The following CAPRIN1 variants were observed in gnomAD, a reference collection of about 807,000 sequenced individuals.
The protein encoded by CAPRIN1 is caprin-1.
CAPRIN1 carries 29 observed loss-of-function variants against 100.9 expected under a neutral mutation model. That is an observed-to-expected ratio of 0.29 (90% CI 0.21 to 0.39). The LOEUF (loss-of-function observed/expected upper bound fraction) is 0.39. CAPRIN1 is among the 10% of genes least tolerant of loss of function. The pLI, the probability that CAPRIN1 is intolerant of heterozygous loss-of-function variation, is 1.00. For synonymous variants in CAPRIN1, 338 were observed against 307.5 expected (o/e 1.10, Z -1.04); for missense variants, 795 against 876.7 (o/e 0.91, Z 1.18).
At chr11:34,058,322 A>G (rs1346398447) in intron 2 of CAPRIN1, among the ~76,000 whole-genome samples, 1 of 152,074 alleles carries the variant, frequency 6.6e-6, no homozygotes, top group African/African-American at 2.4e-5. Context: ...TTTTTAGTAG[A>G]GACGGGGTTT....
chr11:34,061,200 CTTTTTTTT>C (rs770158492), intron 2 of CAPRIN1, among the ~76,000 whole-genome samples: 1 of 102,828 alleles, frequency 9.7e-6, no homozygotes, highest in Non-Finnish European at 2.0e-5. Flanking sequence ...AGGTAACATC[CTTTTTTTT>C]TTTTTTTTTT....
intron 2 of CAPRIN1, among the ~76,000 whole-genome samples, chr11:34,058,493 G>A (rs963433569): frequency 3.9e-5 from 6 of 152,224 alleles, no homozygotes; most frequent in Admixed American, 3.3e-4. Flanking sequence ...CGGCCTAAGT[G>A]TAGTTTTCAT....
In CAPRIN1 at chr11:34,083,025, C is replaced by T. The variant is rs1375079401; in HGVS notation, c.950C>T (p.Thr317Ile). The change falls in exon 9 of 19, where the codon ACA becomes ATA. Residue 317 changes from threonine to isoleucine, a missense_variant. By Grantham distance (89) the Thr-to-Ile change is moderately conservative. This residue lies in a region of CAPRIN1 where 648 missense variants were observed against 697.9 expected (regional missense o/e 0.93). Transcript: ENST00000341394. ...GAAAAGGAGCAGGTAGATGAGTGGACAGTTGAAACGGTTGAGGTAAGAGTT... is the reference window on the plus strand; with the variant it reads ...GAAAAGGAGCAGGTAGATGAGTGGATAGTTGAAACGGTTGAGGTAAGAGTT... ...SGEKEQVDEW[T>I]VETVEVVNSL... is the part of the protein sequence containing the mutation. 6.8e-6 allele frequency: 11 copies of T among 1,613,042 alleles called. No homozygotes were observed. The highest frequency in any genetic ancestry group is 9.3e-6 in the Non-Finnish European group (11 of 1,179,074).
intron 2 of CAPRIN1, among the ~76,000 whole-genome samples, chr11:34,061,996 T>G (rs1201147513): frequency 6.7e-6 from 1 of 149,198 alleles, no homozygotes; most frequent in Non-Finnish European, 1.5e-5. Flanking sequence ...AAGTATATCC[T>G]TACCACCACT....
Position 34,091,922 on chromosome 11 carries a change from C to T in CAPRIN1, c.1571C>T (p.Ala524Val), listed in dbSNP as rs1419052888. The change falls in exon 15 of 19, where the codon GCC (alanine) becomes GTC (valine). Residue 524 changes from alanine to valine, a missense_variant. Transcript: ENST00000341394. ...QSMQTVFNMN[A>V]PVPPVNEPET... Reference sequence around the variant, plus strand: ...TACTAACAGGTGTTCAATATGAATGCCCCAGTTCCTCCTGTTAATGAACCA... The same window carrying T: ...TACTAACAGGTGTTCAATATGAATGTCCCAGTTCCTCCTGTTAATGAACCA... 6.2e-7 allele frequency: 1 copy of T among 1,612,914 alleles called. No homozygotes were observed. The highest frequency in any genetic ancestry group is 8.5e-7 in the Non-Finnish European group (1 of 1,179,444).
intron 9 of CAPRIN1, among the ~76,000 whole-genome samples, 189 bp from the exon 10 acceptor site, chr11:34,085,875 A>T (rs1590740478): frequency 2.0e-5 from 3 of 152,186 alleles, no homozygotes; most frequent in Admixed American, 2.0e-4. Context: ...GAACTGAAAC[A>T]CTGTAGAAGT....
In CAPRIN1 at chr11:34,100,776, T is replaced by A. The variant is rs1778274035; in HGVS notation, c.*1409T>A. The A allele has an allele frequency of 6.5e-6, 1 of 152,672 alleles. No individual in the cohort carries two copies. Among genetic ancestry groups the A allele is most frequent in the African/African-American group, 2.4e-5 (1 of 41,474 alleles). The allele number at this position is 152,672 out of a possible 1,614,324, so 9.5% of individuals were successfully genotyped here. A position where few individuals can be genotyped will look rare whatever the true frequency, so the allele number is the denominator to read the frequency against. On this transcript the variant is annotated 3_prime_UTR_variant, in exon 19 of 19. Coordinates refer to ENST00000341394, the MANE Select transcript of CAPRIN1 (RefSeq NM_005898.5). ...AGTAGTGACTTAGCCTTATGTACTC[T>A]GTTGGAATTTGTGCTAGCAGTTTGA...
intron 13 of CAPRIN1, 106 bp from the exon 14 acceptor site, chr11:34,090,423 A>G: frequency 5.1e-6 from 7 of 1,368,036 alleles, no homozygotes; most frequent in Non-Finnish European, 7.2e-6. Context: ...GAGTTTGTTA[A>G]TACATATAAG....
intron 15 of CAPRIN1, among the ~76,000 whole-genome samples, chr11:34,093,204 A>ATT (rs1015603114): frequency 6.0e-5 from 9 of 150,946 alleles, no homozygotes; most frequent in African/African-American, 2.0e-4. Flanking sequence ...TTATATATAT[A>ATT]TTTTTTTAAG....
At chr11:34,092,887 T>C (rs528453810) in intron 15 of CAPRIN1, among the ~76,000 whole-genome samples, 1 of 152,214 alleles carries the variant, frequency 6.6e-6, no homozygotes, top group East Asian at 1.9e-4. Context: ...GGTTCTCACT[T>C]TGTTGCCCGG....
At chr11:34,097,824 C>T in intron 18 of CAPRIN1, 63 bp downstream of exon 18, 1 of 1,613,032 alleles carries the variant, frequency 6.2e-7, no homozygotes, top group Non-Finnish European at 8.5e-7. Context: ...CTTGGAAGAG[C>T]TGTTAATAGT....
At chr11:34,084,751 ATGTATAGCAT>A (rs1398316166) in intron 9 of CAPRIN1, among the ~76,000 whole-genome samples, 1 of 152,186 alleles carries the variant, frequency 6.6e-6, no homozygotes, top group Non-Finnish European at 1.5e-5. Flanking sequence ...GGTAATAGGG[ATGTATAGCAT>A]GGATGTAGAA....
intron 15 of CAPRIN1, among the ~76,000 whole-genome samples, chr11:34,093,949 T>C (rs1486129983): frequency 8.3e-6 from 1 of 119,880 alleles, no homozygotes; most frequent in Non-Finnish European, 1.7e-5. Flanking sequence ...GATAAGTACA[T>C]GGATTGCTTT....
chr11:34,098,972 C>T, intron 18 of CAPRIN1: 4 of 1,145,734 alleles, frequency 3.5e-6, no homozygotes, highest in Non-Finnish European at 4.3e-6. Flanking sequence ...GGTACCTTGT[C>T]TGTCTTCTCT....
intron 2 of CAPRIN1, among the ~76,000 whole-genome samples, chr11:34,053,845 A>T (rs1850389649): frequency 6.6e-6 from 1 of 152,220 alleles, no homozygotes; most frequent in Admixed American, 6.5e-5. Flanking sequence ...TCGTTTGTAA[A>T]AACGAGGTAA....
chr11:34,086,571 A>C (rs1292947103), intron 11 of CAPRIN1, among the ~76,000 whole-genome samples, 158 bp downstream of exon 11: 1 of 152,206 alleles, frequency 6.6e-6, no homozygotes, highest in Non-Finnish European at 1.5e-5. Context: ...TGTTCCTATG[A>C]TTTGAATTAA....
chr11:34,064,871 G>A (rs1182638924), intron 2 of CAPRIN1, among the ~76,000 whole-genome samples: 1 of 150,582 alleles, frequency 6.6e-6, no homozygotes, highest in African/African-American at 2.4e-5. Flanking sequence ...TCCAGCCACA[G>A]TTCAAGTTTT....
chr11:34,054,298 A>G (rs1850402365), intron 2 of CAPRIN1, among the ~76,000 whole-genome samples: 1 of 152,214 alleles, frequency 6.6e-6, no homozygotes, highest in Non-Finnish European at 1.5e-5. Context: ...ATGTAGTTAC[A>G]TCAAGAAAGT....
At chr11:34,093,665 G>A (rs1255009341) in intron 15 of CAPRIN1, among the ~76,000 whole-genome samples, 1 of 152,104 alleles carries the variant, frequency 6.6e-6, no homozygotes, top group African/African-American at 2.4e-5. Flanking sequence ...GTTATACTAT[G>A]CTCAGCTTCC....
Sources: gnomAD v4.1 joint callset for allele counts (sites outside exome capture counted in the v4.1 genomes callset) on GRCh38, gnomAD v4.1.1 for gene constraint, gnomAD v4.1.1 regional missense constraint, MANE v1.5 for transcripts, NCBI Gene and HGNC (gene_info 2026-07-23, HGNC 2026-07-21) for gene names.